Variants in ITPR1 observed in about 807,000 individuals in gnomAD.
ITPR1 encodes inositol 1,4,5-trisphosphate-gated calcium channel ITPR1.
A neutral mutation model predicts 318.4 loss-of-function variants in ITPR1; 96 were observed. The observed-to-expected ratio is 0.30, with a 90% confidence interval of 0.26 to 0.36. ITPR1 has a LOEUF of 0.36. Among genes scored for constraint, ITPR1 ranks in the 10% least tolerant of loss-of-function variants. The pLI is 1.00. For synonymous variants in ITPR1, 1,312 were observed against 1,289.9 expected, an observed-to-expected ratio of 1.02 and a Z score of -0.37; for missense variants, 2,440 against 3,460.2, an observed-to-expected ratio of 0.71 and a Z score of 7.40.
chr3:4,519,611 T>C (rs920877088), intron 3 of ITPR1, among the ~76,000 whole-genome samples: 4 of 152,236 alleles, frequency 2.6e-5, no homozygotes, highest in Non-Finnish European at 5.9e-5. Context: ...GGCATTACTA[T>C]ACTTACAGGA....
intron 4 of ITPR1, among the ~76,000 whole-genome samples, chr3:4,593,274 A>G (rs766468683): frequency 6.6e-6 from 1 of 152,110 alleles, no homozygotes; most frequent in Non-Finnish European, 1.5e-5. Flanking sequence ...AAGTTTCGTG[A>G]ACTTAGACAT....
At chr3:4,609,130 TTCTAA>T (rs2091928314) in intron 4 of ITPR1, among the ~76,000 whole-genome samples, 1 of 132,946 alleles carries the variant, frequency 7.5e-6, no homozygotes, top group African/African-American at 2.7e-5. Flanking sequence ...AGACATCCTC[TTCTAA>T]TCTAATCACC....
At chr3:4,754,212 C>T (rs2044778487) in intron 44 of ITPR1, among the ~76,000 whole-genome samples, 1 of 152,036 alleles carries the variant, frequency 6.6e-6, no homozygotes, top group Non-Finnish European at 1.5e-5. Context: ...TTCCAGAGAT[C>T]GACTCCCCTG....
At chr3:4,622,610 C>G (rs9857776) in intron 4 of ITPR1, among the ~76,000 whole-genome samples, 89,766 of 151,294 alleles carry the variant, frequency 0.59, 26,980 homozygotes, top group South Asian at 0.77. Flanking sequence ...TTTTAGTAGA[C>G]ACGGGGTTTC....
At chr3:4,507,727 C>T (rs2081495408) in intron 2 of ITPR1, among the ~76,000 whole-genome samples, 1 of 152,200 alleles carries the variant, frequency 6.6e-6, no homozygotes, top group African/African-American at 2.4e-5. Context: ...TCCTTTATAA[C>T]TGTTAGTCTC....
intron 13 of ITPR1, among the ~76,000 whole-genome samples, chr3:4,660,208 C>G (rs954268041): frequency 6.6e-6 from 1 of 152,082 alleles, no homozygotes; most frequent in Non-Finnish European, 1.5e-5. Context: ...ACTTGTGTAA[C>G]TTTTATACTA....
chr3:4,776,729 T>C (rs1487571888), intron 47 of ITPR1, among the ~76,000 whole-genome samples: 1 of 152,200 alleles, frequency 6.6e-6, no homozygotes, highest in Non-Finnish European at 1.5e-5. Context: ...TACCTCAAGT[T>C]TGCTTCTCTG....
chr3:4,546,679 T>C (rs1376031878), intron 4 of ITPR1, among the ~76,000 whole-genome samples: 2 of 151,936 alleles, frequency 1.3e-5, no homozygotes, highest in Non-Finnish European at 1.5e-5. Flanking sequence ...GTCTTAAGGA[T>C]AGACAAATAA....
At position 4,662,189 on chromosome 3, in the gene ITPR1, G is replaced by T. The variant is rs748950859; in HGVS notation, c.1359G>T (p.Leu453=). Residue 453 remains leucine (L), a synonymous_variant, in exon 15 of 62, where the codon CTG becomes CTT. Coordinates refer to ENST00000649015, the MANE Select transcript of ITPR1 (RefSeq NM_001378452.1). ...LDFANDASKV[L]GSIAGKLEKG... ...TTGCCAATGATGCCAGCAAGGTGCT[G>T]GGCTCCATTGCTGGGAAGCTAGAGA... 4.3e-6 allele frequency: 7 copies of T among 1,613,018 alleles called. No homozygotes were observed. In the South Asian group the frequency reaches 6.6e-5, roughly 15 times the overall value.
At chr3:4,517,564 A>T (rs547859612) in intron 3 of ITPR1, among the ~76,000 whole-genome samples, 1 of 152,240 alleles carries the variant, frequency 6.6e-6, no homozygotes, top group Non-Finnish European at 1.5e-5. Context: ...GCAAATTATT[A>T]TAGATACAGA....
rs775834118 is a variant in ITPR1 at position 4,676,884 on chromosome 3, C to G, written c.2967+83C>G. 4 of 1,081,344 alleles carry G rather than the reference C, an allele frequency of 3.7e-6. No homozygotes were observed. The African/African-American group carries it at 6.3e-5, about 17-fold the overall frequency. 67.0% of individuals were successfully genotyped at this position (1,081,344 alleles called of 1,614,324 possible). A position where few individuals can be genotyped will look rare whatever the true frequency, so the allele number is the denominator to read the frequency against. On this transcript the variant is annotated intron_variant, in intron 24 of 61. Coordinates refer to ENST00000649015, the MANE Select transcript of ITPR1 (RefSeq NM_001378452.1). ...CCAGTCCCTCTGTTCTGATGGAGCC[C>G]AAGGCTTTCTGGGAAGAAAATGGGG... is the stretch of plus-strand genomic sequence containing the variant.
intron 22 of ITPR1, 130 bp from the exon 23 acceptor site, chr3:4,674,938 G>A (rs1051264189): frequency 3.4e-5 from 19 of 565,612 alleles, no homozygotes; most frequent in Admixed American, 2.9e-4. Context: ...AAAGTGCAAG[G>A]AAAATACATG....
chr3:4,657,901 G>T (rs890424172), intron 12 of ITPR1, among the ~76,000 whole-genome samples: 1 of 152,156 alleles, frequency 6.6e-6, no homozygotes, highest in East Asian at 1.9e-4. Flanking sequence ...CACCGTGCCC[G>T]GCTGGAACAT....
At chr3:4,782,548 C>T (rs2046903733) in intron 49 of ITPR1, 71 bp from the exon 50 acceptor site, 7 of 1,465,480 alleles carry the variant, frequency 4.8e-6, no homozygotes, top group African/African-American at 1.4e-5. Flanking sequence ...AGCCAGTGTG[C>T]ATGCTGTCCA....
At chr3:4,843,278 C>T (rs866991744) in intron 61 of ITPR1, among the ~76,000 whole-genome samples, 1 of 152,086 alleles carries the variant, frequency 6.6e-6, no homozygotes, top group African/African-American at 2.4e-5. Flanking sequence ...CTACTATATG[C>T]TCAGTTGCAG....
intron 4 of ITPR1, among the ~76,000 whole-genome samples, chr3:4,585,703 C>T (rs1403920434): frequency 6.6e-6 from 1 of 152,102 alleles, no homozygotes; most frequent in Admixed American, 6.6e-5. Flanking sequence ...TCCCAAAGTG[C>T]TAGGATTACA....
intron 4 of ITPR1, among the ~76,000 whole-genome samples, chr3:4,589,353 G>A (rs747233328): frequency 4.4e-4 from 67 of 152,226 alleles, no homozygotes; most frequent in Non-Finnish European, 7.9e-4. Flanking sequence ...AGTTTCAGTC[G>A]TGATCTGCAG....
intron 31 of ITPR1, among the ~76,000 whole-genome samples, chr3:4,688,858 G>A (rs751428998): frequency 4.3e-4 from 66 of 152,202 alleles, no homozygotes; most frequent in Non-Finnish European, 1.3e-4. Context: ...AGTAAGATAC[G>A]TGTCTATATT....
chr3:4,512,173 G>T (rs1490368328), intron 2 of ITPR1, among the ~76,000 whole-genome samples: 1 of 152,054 alleles, frequency 6.6e-6, no homozygotes, highest in African/African-American at 2.4e-5. Flanking sequence ...TGTAGAAATG[G>T]GGTCTGGCTG....
Sources: allele counts gnomAD v4.1 joint callset (sites outside exome capture counted in the v4.1 genomes callset), GRCh38; gene constraint gnomAD v4.1.1; transcripts MANE v1.5; gene names NCBI Gene and HGNC (gene_info 2026-07-23, HGNC 2026-07-21).